Variants in CCDC74A observed in about 807,000 individuals in gnomAD.
The protein encoded by CCDC74A is coiled-coil domain-containing protein 74A.
Under a neutral mutation model 37.6 loss-of-function variants are expected in CCDC74A, and 38 were observed. The ratio of observed to expected loss-of-function variants is 1.01; its 90% confidence interval spans 0.78 to 1.33. The LOEUF is 1.33. Among genes scored for constraint, CCDC74A ranks in the 40% most tolerant of loss-of-function variants. The pLI, the probability that CCDC74A is intolerant of heterozygous loss-of-function variation, is 0.00. For synonymous variants in CCDC74A, 134 were observed against 165.2 expected (o/e 0.81, Z 1.45); for missense variants, 340 against 403.4 (o/e 0.84, Z 1.35).
chr2:131,528,234 G>GGGCCCTAGGCC lies in CCDC74A; in HGVS notation c.250+21_250+31dup, dbSNP rs1680515138. The GGGCCCTAGGCC allele has an allele frequency of 6.2e-7, 1 of 1,610,758 alleles. No individual in the cohort carries two copies. The highest frequency in any genetic ancestry group is 1.3e-5 in the African/African-American group (1 of 74,832). ...GGGAAAACAAGGGTGAGCCGGCGCG[G>GGGCCCTAGGCC]GGCCCTAGGCCGGCCCTGCCTCCCC... On this transcript the variant is annotated intron_variant, in intron 1 of 7. Coordinates refer to ENST00000409856, the MANE Select transcript of CCDC74A (RefSeq NM_001258306.3).
chr2:131,530,432 A>G (rs1681046010), intron 2 of CCDC74A: 2 of 1,547,050 alleles, frequency 1.3e-6, no homozygotes, highest in African/African-American at 2.8e-5. Context: ...CGCTGTGGCA[A>G]CTCCAGTGAG....
At chr2:131,528,684 G>C (rs572872253) in intron 1 of CCDC74A, 2 of 434,934 alleles carry the variant, frequency 4.6e-6, no homozygotes, top group Non-Finnish European at 4.3e-6. Context: ...GGTGGTGGGC[G>C]TCTGTAGTCC....
chr2:131,529,433 G>A (rs777029189), intron 1 of CCDC74A: 30 of 708,696 alleles, frequency 4.2e-5, no homozygotes, highest in African/African-American at 1.0e-4. Context: ...CGATATGCCC[G>A]GTGGGCTCTG....
chr2:131,525,977 A>C (rs13016773), upstream of CCDC74A, among the ~76,000 whole-genome samples: 62,658 of 150,648 alleles, frequency 0.42, 14,671 homozygotes, highest in East Asian at 0.68. Context: ...CTCGGCCTCC[A>C]AATAATTTTT....
At chr2:131,522,911 ACT>A (rs954458667), upstream of CCDC74A, among the ~76,000 whole-genome samples, 13 of 152,110 alleles carry the variant, frequency 8.5e-5, no homozygotes, top group South Asian at 2.1e-4. Flanking sequence ...ATGAGAGAGA[ACT>A]CTCTGTTTTG....
At chr2:131,524,139 T>G (rs1680218473), upstream of CCDC74A, among the ~76,000 whole-genome samples, 1 of 152,174 alleles carries the variant, frequency 6.6e-6, no homozygotes, top group South Asian at 2.1e-4. Flanking sequence ...GAACCAAGAA[T>G]TGTGGTTGCT....
chr2:131,529,171 G>A (rs1440353091), intron 1 of CCDC74A: 2 of 244,024 alleles, frequency 8.2e-6, no homozygotes, highest in African/African-American at 4.4e-5. Flanking sequence ...GTTCCCTGGT[G>A]CTGCCTTACC....
chr2:131,529,342 G>C, intron 1 of CCDC74A: 1 of 573,258 alleles, frequency 1.7e-6, no homozygotes. Flanking sequence ...CAGGGGTTCC[G>C]GAGTTCACCT....
intron 1 of CCDC74A, chr2:131,528,606 C>G (rs556833759): frequency 1.7e-5 from 14 of 817,636 alleles, no homozygotes; most frequent in Non-Finnish European, 2.4e-5. Flanking sequence ...GTCAGGAGAT[C>G]GAGACCATCC....
At chr2:131,526,303 C>T (rs1399159015), upstream of CCDC74A, among the ~76,000 whole-genome samples, 5 of 151,756 alleles carry the variant, frequency 3.3e-5, no homozygotes, top group South Asian at 2.1e-4. Context: ...CATGCCACCA[C>T]GCTAGCTAAT....
Position 131,528,105 on chromosome 2 carries a change from C to G in CCDC74A, c.135C>G (p.Asp45Glu). Residue 45 changes from aspartate to glutamate, a missense_variant, in exon 1 of 8, where the codon GAC (aspartate) becomes GAG (glutamate). This residue lies in a region of CCDC74A where 154 missense variants were observed against 153.9 expected (regional missense o/e 1.00). Transcript: ENST00000409856. Reference sequence around the variant, plus strand: ...AGAGCCCGCAGCTCAGGCAGAGCGACCCGCAGAAACGGAACCTGGACCTGG... The same window carrying G: ...AGAGCCCGCAGCTCAGGCAGAGCGAGCCGCAGAAACGGAACCTGGACCTGG... ...RPQSPQLRQSDPQKRNLDLEK... is the reference protein window; with the variant it reads ...RPQSPQLRQSEPQKRNLDLEK... 3 of 1,613,684 alleles carry G rather than the reference C, an allele frequency of 1.9e-6. No individual in the cohort carries two copies. The South Asian group carries it at 3.3e-5, about 18-fold the overall frequency.
upstream of CCDC74A, among the ~76,000 whole-genome samples, chr2:131,523,462 T>C (rs1245531132): frequency 6.6e-6 from 1 of 152,124 alleles, no homozygotes; most frequent in Non-Finnish European, 1.5e-5. Flanking sequence ...ATCCCATCTC[T>C]ACTAAAAATA....
At chr2:131,523,820 A>G (rs1238495190), upstream of CCDC74A, among the ~76,000 whole-genome samples, 3 of 152,062 alleles carry the variant, frequency 2.0e-5, no homozygotes, top group Non-Finnish European at 4.4e-5. Flanking sequence ...AAAACCTCAG[A>G]TGGGCATGCA....
At chr2:131,526,146 C>CTTT (rs369118247), upstream of CCDC74A, among the ~76,000 whole-genome samples, 9 of 126,588 alleles carry the variant, frequency 7.1e-5, no homozygotes, top group Admixed American at 8.8e-5. Context: ...CTTTTTTTTC[C>CTTT]TTTTTTTTTT....
chr2:131,532,981 C>T (rs548516477), intron 6 of CCDC74A, 32 bp from the exon 7 acceptor site: 40 of 1,613,856 alleles, frequency 2.5e-5, no homozygotes, highest in Non-Finnish European at 3.1e-5. Flanking sequence ...GGGTCCTATC[C>T]ACAGCTCACT....
upstream of CCDC74A, among the ~76,000 whole-genome samples, chr2:131,524,863 C>A (rs2104769656): frequency 7.3e-6 from 1 of 137,672 alleles, no homozygotes; most frequent in Non-Finnish European, 1.5e-5. Flanking sequence ...GAGTTTGAGA[C>A]CAGTCTGGGC....
In CCDC74A at chr2:131,528,211, G is replaced by A. The variant is rs545539668; in HGVS notation, c.241G>A (p.Glu81Lys). The A allele has an allele frequency of 1.5e-4, 248 of 1,612,426 alleles. No individual in the cohort carries two copies. The African/African-American group carries it at 2.9e-3, about 19-fold the overall frequency. The change falls in exon 1 of 8, where the codon GAA (glutamate) becomes AAA (lysine). Residue 81 changes from glutamate (E) to lysine (K), a missense_variant. Physicochemically the swap from Glu to Lys is moderately conservative, Grantham distance 56 (BLOSUM62 1). Coordinates refer to ENST00000409856, the MANE Select transcript of CCDC74A (RefSeq NM_001258306.3). ...TGAGGAGATCGAGCATCTGAAGCGG[G>A]AAAACAAGGGTGAGCCGGCGCGGGG... Reference protein sequence around the residue: ...LHEEIEHLKRENKDLHYKLIM... With the variant: ...LHEEIEHLKRKNKDLHYKLIM...
Position 131,529,691 on chromosome 2 carries a change from G to A in CCDC74A, c.295G>A (p.Asp99Asn), listed in dbSNP as rs879022376. 1.2e-6 allele frequency: 2 copies of A among 1,613,968 alleles called. No individual in the cohort carries two copies. Among genetic ancestry groups the A allele is most frequent in the Non-Finnish European group, 8.5e-7 (1 of 1,179,826 alleles). ...AATGAATCAGACATCACAGAAGAAA[G>A]GTGAGAACTGGGCCCTTCAGTGACT... ...LIMNQTSQKK[D>N]SLSMSSFQSV... Residue 99 changes from aspartate to asparagine, a missense_variant and splice_region_variant, in exon 2 of 8, where the codon GAC (aspartate) becomes AAC (asparagine). Coordinates refer to ENST00000409856, the MANE Select transcript of CCDC74A (RefSeq NM_001258306.3).
At chr2:131,525,790 C>T (rs1680283668), upstream of CCDC74A, among the ~76,000 whole-genome samples, 1 of 131,610 alleles carries the variant, frequency 7.6e-6, no homozygotes, top group African/African-American at 3.0e-5. Flanking sequence ...ACCATCTTGG[C>T]TCACTGCAAG....
Sources: gnomAD v4.1 joint callset for allele counts (sites outside exome capture counted in the v4.1 genomes callset) on GRCh38, gnomAD v4.1.1 for gene constraint, gnomAD v4.1.1 regional missense constraint, MANE v1.5 for transcripts, NCBI Gene and HGNC (gene_info 2026-07-23, HGNC 2026-07-21) for gene names.